Variants in THSD4 observed in about 807,000 individuals in gnomAD.
THSD4 encodes the protein thrombospondin type-1 domain-containing protein 4.
Under a neutral mutation model 119.0 loss-of-function variants are expected in THSD4, and 69 were observed. The observed-to-expected ratio is 0.58, with a 90% CI of 0.48 to 0.71. The LOEUF (loss-of-function observed/expected upper bound fraction) is 0.71, where lower values mean the gene tolerates loss of function less well. Ranked by LOEUF, THSD4 falls within the 30% of genes least tolerant of loss-of-function variation. THSD4 has a pLI of 0.00. For synonymous variants in THSD4, 524 were observed against 540.4 expected, an observed-to-expected ratio of 0.97 and a Z score of 0.42; for missense variants, 1,393 against 1,391.1, an observed-to-expected ratio of 1.00 and a Z score of -0.02.
In THSD4 at chr15:71,674,044, A is replaced by C. The variant is rs1047315274; in HGVS notation, c.1357+13310A>C. Among the ~76,000 whole-genome samples the C allele has an allele frequency of 1.6e-4, 24 of 152,342 alleles. No individual in the cohort carries two copies. The South Asian group carries it at 5.0e-3, about 32-fold the overall frequency. On this transcript the variant is annotated intron_variant, in intron 8 of 17. Coordinates refer to ENST00000261862, the MANE Select transcript of THSD4 (RefSeq NM_024817.3). ...TGCCTCTTCCCAGAAGAACAAAAAG[A>C]GAAAGAAAAGTAGACATGCTTCTTC...
chr15:71,581,585 AAAT>A (rs2049559889), intron 7 of THSD4, among the ~76,000 whole-genome samples: 1 of 152,028 alleles, frequency 6.6e-6, no homozygotes, highest in African/African-American at 2.4e-5. Context: ...TGCAACAAAA[AAAT>A]ATTATTGCCT....
intron 7 of THSD4, among the ~76,000 whole-genome samples, chr15:71,449,473 A>G (rs2047233816): frequency 6.6e-6 from 1 of 152,216 alleles, no homozygotes; most frequent in Non-Finnish European, 1.5e-5. Context: ...TCTGCGCCTC[A>G]GAAAATATGG....
intron 8 of THSD4, among the ~76,000 whole-genome samples, chr15:71,691,997 T>C (rs1037659022): frequency 8.5e-5 from 13 of 152,196 alleles, no homozygotes; most frequent in African/African-American, 2.9e-4. Context: ...TTAACCTCTC[T>C]GGGAGGGATA....
chr15:71,676,514 T>C (rs895007222), intron 8 of THSD4, among the ~76,000 whole-genome samples: 12 of 152,184 alleles, frequency 7.9e-5, no homozygotes, highest in African/African-American at 2.9e-4. Flanking sequence ...TCTCTTGACC[T>C]CGTGATCTGC....
chr15:71,298,435 T>C (rs1304554207), intron 6 of THSD4, among the ~76,000 whole-genome samples: 1 of 152,110 alleles, frequency 6.6e-6, no homozygotes, highest in Non-Finnish European at 1.5e-5. Flanking sequence ...ATCCCACTGT[T>C]ATTTTGCTAC....
chr15:71,629,868 C>T lies in THSD4; in HGVS notation c.1153-30662C>T, dbSNP rs895477263. Among the ~76,000 whole-genome samples, 7 of 152,278 alleles carry T rather than the reference C, an allele frequency of 4.6e-5. No homozygotes were observed. The South Asian group carries it at 1.5e-3, about 32-fold the overall frequency. On this transcript the variant is annotated intron_variant, in intron 7 of 17. Coordinates refer to ENST00000261862, the MANE Select transcript of THSD4 (RefSeq NM_024817.3). Reference sequence around the variant, plus strand: ...ACCTCAGCTCTCAGGAGCCTATTTCCTCGGGTTACTCTGGCTGTAAGGTAG... The same window carrying T: ...ACCTCAGCTCTCAGGAGCCTATTTCTTCGGGTTACTCTGGCTGTAAGGTAG...
chr15:71,451,623 G>T (rs1049534786), intron 7 of THSD4, among the ~76,000 whole-genome samples: 3 of 152,144 alleles, frequency 2.0e-5, no homozygotes, highest in Non-Finnish European at 4.4e-5. Context: ...CATGGGGGCT[G>T]GGAGAGGGGT....
intron 7 of THSD4, among the ~76,000 whole-genome samples, chr15:71,529,513 T>C (rs1026676588): frequency 3.3e-5 from 5 of 152,222 alleles, no homozygotes; most frequent in African/African-American, 1.2e-4. Context: ...ATTTGACTTT[T>C]TACCTAACAG....
At chr15:71,174,982 T>G (rs2043433602) in intron 3 of THSD4, among the ~76,000 whole-genome samples, 1 of 148,924 alleles carries the variant, frequency 6.7e-6, no homozygotes, top group Non-Finnish European at 1.5e-5. Context: ...CGAAAACCCA[T>G]CTGTACATCA....
intron 8 of THSD4, among the ~76,000 whole-genome samples, chr15:71,719,026 A>G (rs2052664496): frequency 6.6e-6 from 1 of 152,222 alleles, no homozygotes; most frequent in Admixed American, 6.5e-5. Context: ...ACATTATTTG[A>G]GGCTTAAACA....
intron 7 of THSD4, among the ~76,000 whole-genome samples, chr15:71,580,437 C>T (rs892843213): frequency 3.9e-5 from 6 of 152,118 alleles, no homozygotes; most frequent in South Asian, 2.1e-4. Context: ...ATGATTACCA[C>T]AATTCAGCTA....
chr15:71,644,132 A>G (rs1357272562), intron 7 of THSD4, among the ~76,000 whole-genome samples: 5 of 152,214 alleles, frequency 3.3e-5, no homozygotes, highest in Non-Finnish European at 7.4e-5. Context: ...CAAGGTCTCA[A>G]CAGAAAACAG....
chr15:71,141,347 T>G, intron 1 of THSD4, 102 bp from the exon 2 acceptor site: 1 of 618,156 alleles, frequency 1.6e-6, no homozygotes, highest in Non-Finnish European at 2.7e-6. Flanking sequence ...ACTTTTGTTT[T>G]AGTATCTTCC....
chr15:71,733,500 T>G (rs917282455), intron 10 of THSD4: 1 of 152,206 alleles, frequency 6.6e-6, no homozygotes, highest in Non-Finnish European at 1.5e-5. Flanking sequence ...AATTTTTTTG[T>G]CCAACAACAT....
intron 1 of THSD4, among the ~76,000 whole-genome samples, chr15:71,136,601 G>A (rs1267687194): frequency 6.6e-6 from 1 of 152,102 alleles, no homozygotes; most frequent in East Asian, 1.9e-4. Flanking sequence ...CCCTCCCCAG[G>A]GATGAGTGCT....
chr15:71,549,737 G>A (rs541972890), intron 7 of THSD4: 4 of 152,252 alleles, frequency 2.6e-5, no homozygotes, highest in African/African-American at 9.6e-5. Context: ...GGGTAAGAAA[G>A]CGTCATACAC....
rs867875813 is a variant in THSD4 at position 71,744,476 on chromosome 15, C to T, written c.1907-630C>T. 4.6e-5 allele frequency among the ~76,000 whole-genome samples: 7 copies of T among 152,204 alleles called. No homozygotes were observed. In the South Asian group the frequency reaches 8.3e-4, roughly 18 times the overall value. On this transcript the variant is annotated intron_variant, in intron 11 of 17. Coordinates refer to ENST00000261862, the MANE Select transcript of THSD4 (RefSeq NM_024817.3). ...TACTTTATTAGAAGAACATGAAAGACGCTTGCCAAAGGGGGAGGCAGCTGC... is the reference window on the plus strand; with the variant it reads ...TACTTTATTAGAAGAACATGAAAGATGCTTGCCAAAGGGGGAGGCAGCTGC...
chr15:71,605,095 C>G (rs1052427595), intron 7 of THSD4, among the ~76,000 whole-genome samples: 2 of 151,532 alleles, frequency 1.3e-5, no homozygotes, highest in Non-Finnish European at 2.9e-5. Flanking sequence ...GCAGAAAGAC[C>G]CAAGAAAGGT....
At chr15:71,207,118 C>A (rs2043850384) in intron 3 of THSD4, among the ~76,000 whole-genome samples, 2 of 152,202 alleles carry the variant, frequency 1.3e-5, no homozygotes, top group South Asian at 4.1e-4. Context: ...ATTTGACCCT[C>A]ATTTATTTGA....
Sources: allele counts gnomAD v4.1 joint callset (sites outside exome capture counted in the v4.1 genomes callset), GRCh38; gene constraint gnomAD v4.1.1; transcripts MANE v1.5; gene names NCBI Gene and HGNC (gene_info 2026-07-23, HGNC 2026-07-21).